Variants in FBXL22 observed in about 807,000 individuals in gnomAD.
The protein encoded by FBXL22 is F-box and leucine-rich protein 22.
FBXL22 carries 13 observed loss-of-function variants against 11.7 expected under a neutral mutation model. That is an observed-to-expected ratio of 1.11 (90% CI 0.73 to 1.77). FBXL22 has a LOEUF of 1.77. Ranked by LOEUF, FBXL22 falls within the 40% of genes most tolerant of loss-of-function variation. FBXL22 has a pLI of 0.00. For synonymous variants in FBXL22, 160 were observed against 144.1 expected (o/e 1.11, Z -0.79); for missense variants, 406 against 320.4 (o/e 1.27, Z -2.04).
In FBXL22 at chr15:63,597,651, A is replaced by G. The variant is rs771188216; in HGVS notation, c.259A>G (p.Ser87Gly). ...CWHSSRVQVC[S>G]IEDWLKSAFQ... ...GCACTCCAGCCGCGTGCAGGTGTGC[A>G]GCATTGAGGACTGGCTCAAGAGTGC... The change falls in exon 1 of 2, where the codon AGC (serine) becomes GGC (glycine). Residue 87 changes from serine (S) to glycine (G), a missense_variant. Physicochemically the swap from Ser to Gly is moderately conservative, Grantham distance 56. Transcript: ENST00000638704. This position sits in a 1 kb window ranked among gnomAD's most constrained non-coding sequence, Gnocchi z 4.3. 1.2e-6 allele frequency: 2 copies of G among 1,613,004 alleles called. No homozygotes were observed. The highest frequency in any genetic ancestry group is 1.7e-6 in the Non-Finnish European group (2 of 1,179,866).
At chr15:63,600,386 C>G in intron 1 of FBXL22, 1 of 1,147,500 alleles carries the variant, frequency 8.7e-7, no homozygotes. Flanking sequence ...CTCCTGGAAC[C>G]GGCATTCCCT....
downstream of FBXL22, among the ~76,000 whole-genome samples, chr15:63,602,715 A>G (rs2067389882): frequency 6.6e-6 from 1 of 152,146 alleles, no homozygotes; most frequent in Non-Finnish European, 1.5e-5. Flanking sequence ...TGACCAATGT[A>G]AGCCTCACTG....
downstream of FBXL22, among the ~76,000 whole-genome samples, chr15:63,606,061 G>T: frequency 6.6e-6 from 1 of 152,188 alleles, no homozygotes; most frequent in East Asian, 1.9e-4. Flanking sequence ...GAGCCACCCC[G>T]GCTCTACCAC....
At chr15:63,604,089 C>T (rs578218157), downstream of FBXL22, among the ~76,000 whole-genome samples, 1 of 152,292 alleles carries the variant, frequency 6.6e-6, no homozygotes, top group East Asian at 1.9e-4. Context: ...TTAGCCTGGA[C>T]AACAACAGGA....
At chr15:63,599,529 T>TG in intron 1 of FBXL22, 1 of 1,109,950 alleles carries the variant, frequency 9.0e-7, no homozygotes, top group East Asian at 5.8e-5. Context: ...TGTACAAAAC[T>TG]GGGGGTGCAG....
the FBXL22 span, among the ~76,000 whole-genome samples, chr15:63,607,808 A>G: frequency 1.3e-5 from 2 of 152,164 alleles, no homozygotes; most frequent in Non-Finnish European, 2.9e-5. Flanking sequence ...GAGGGAGACA[A>G]GCTGTCCACA....
rs143466490 is a variant in FBXL22, at chr15:63,597,403, T to A, written c.11T>A (p.Leu4Gln). The change falls in exon 1 of 2, where the codon CTG becomes CAG. Residue 4 changes from leucine (L) to glutamine (Q), a missense_variant. By Grantham distance (113) the Leu-to-Gln change is moderately radical. Coordinates refer to ENST00000638704, the MANE Select transcript of FBXL22 (RefSeq NM_001367807.1). The surrounding 1 kb of genome is among the most constrained non-coding windows in gnomAD (Gnocchi z 4.3). MWP[L>Q]LTMHITQLNR... Reference sequence around the variant, plus strand: ...TGCAGCTGCACTCACATGTGGCCACTGCTCACCATGCACATAACCCAGCTC... The same window carrying A: ...TGCAGCTGCACTCACATGTGGCCACAGCTCACCATGCACATAACCCAGCTC... 7.1e-3 allele frequency: 11,491 copies of A among 1,608,598 alleles called. 68 individuals are homozygous for A. The highest frequency in any genetic ancestry group is 7.5e-3 in the Non-Finnish European group (8,846 of 1,176,548).
downstream of FBXL22, among the ~76,000 whole-genome samples, chr15:63,605,414 AG>A (rs1339873377): frequency 6.6e-6 from 1 of 152,196 alleles, no homozygotes; most frequent in African/African-American, 2.4e-5. Flanking sequence ...GGGCTAGAAA[AG>A]CTGAGTGCCT....
At chr15:63,605,053 G>A (rs562451845), downstream of FBXL22, among the ~76,000 whole-genome samples, 3 of 151,896 alleles carry the variant, frequency 2.0e-5, no homozygotes, top group South Asian at 2.1e-4. Flanking sequence ...GCAAGACTCC[G>A]TCTCAAAAAC....
chr15:63,600,571 G>T, intron 1 of FBXL22, 126 bp from the exon 2 acceptor site: 1 of 1,229,436 alleles, frequency 8.1e-7, no homozygotes, highest in Non-Finnish European at 1.0e-6. Flanking sequence ...CAGTGTCATC[G>T]CAGCCAAGTG....
chr15:63,600,877 C>G lies in FBXL22; in HGVS notation c.534C>G (p.His178Gln). ...AADGRALQTL[H>Q]VDFCRNVSAA... is the part of the protein sequence containing the mutation. ...ACGGGCGCGCGCTGCAGACATTGCA[C>G]GTGGACTTCTGCCGCAACGTGAGCG... Residue 178 changes from histidine to glutamine, a missense_variant, in exon 2 of 2, where the codon CAC (histidine) becomes CAG (glutamine). Physicochemically the swap from His to Gln is conservative, Grantham distance 24. Coordinates refer to ENST00000638704, the MANE Select transcript of FBXL22 (RefSeq NM_001367807.1). 1 of 1,227,162 alleles carries G rather than the reference C, an allele frequency of 8.1e-7. No individual in the cohort carries two copies. The highest frequency in any genetic ancestry group is 4.1e-5 in the South Asian group (1 of 24,292). The allele number at this position is 1,227,162 out of a possible 1,614,324, so 76.0% of individuals were successfully genotyped here. A position where few individuals can be genotyped will look rare whatever the true frequency, so the allele number is the denominator to read the frequency against.
chr15:63,606,852 C>A (rs1275615750), downstream of FBXL22, among the ~76,000 whole-genome samples: 1 of 152,172 alleles, frequency 6.6e-6, no homozygotes, highest in Non-Finnish European at 1.5e-5. Flanking sequence ...TGAGTGCCAG[C>A]CTTCTGGGGG....
downstream of FBXL22, among the ~76,000 whole-genome samples, chr15:63,602,653 C>T (rs1466666734): frequency 6.7e-6 from 1 of 148,404 alleles, no homozygotes; most frequent in Non-Finnish European, 1.5e-5. Flanking sequence ...GTAACAAGGG[C>T]TATTAGGGAT....
intron 1 of FBXL22, chr15:63,599,957 T>G: frequency 2.0e-6 from 2 of 985,464 alleles, no homozygotes; most frequent in Non-Finnish European, 2.4e-6. Context: ...ATAAACCAAG[T>G]CTAACTTGGC....
Position 63,600,818 on chromosome 15 carries a change from G to C in FBXL22, c.475G>C (p.Val159Leu). 8.1e-6 allele frequency: 10 copies of C among 1,230,832 alleles called. No individual in the cohort carries two copies. Among genetic ancestry groups the C allele is most frequent in the Non-Finnish European group, 1.0e-5 (10 of 987,342 alleles). The allele number at this position is 1,230,832 out of a possible 1,614,324, so 76.2% of individuals were successfully genotyped here. The part of the protein sequence containing the change: ...RALRLENCAR[V>L]TNRTLAAVAA... ...ACTGCGCCTGGAGAACTGCGCGCGC[G>C]TCACCAACCGCACGTTGGCTGCCGT... Residue 159 changes from valine (V) to leucine (L), a missense_variant, in exon 2 of 2, where the codon GTC becomes CTC. Coordinates refer to ENST00000638704, the MANE Select transcript of FBXL22 (RefSeq NM_001367807.1).
chr15:63,606,940 A>G (rs1207259093), downstream of FBXL22, among the ~76,000 whole-genome samples: 6 of 151,944 alleles, frequency 3.9e-5, no homozygotes, highest in Admixed American at 3.9e-4. Flanking sequence ...GAGACTGCAG[A>G]GGTATCCTTT....
In FBXL22 at chr15:63,597,852, G is replaced by A; in HGVS notation, c.353+107G>A. The A allele has an allele frequency of 8.8e-7, 1 of 1,136,700 alleles. No individual in the cohort carries two copies. Among genetic ancestry groups the A allele is most frequent in the Non-Finnish European group, 1.2e-6 (1 of 823,020 alleles). The allele number at this position is 1,136,700 out of a possible 1,614,324, so 70.4% of individuals were successfully genotyped here. On this transcript the variant is annotated intron_variant, in intron 1 of 1. Transcript: ENST00000638704. The surrounding 1 kb of genome is among the most constrained non-coding windows in gnomAD (Gnocchi z 4.3). ...AGACCAAGATGGCTCCACCTTCGGG[G>A]CGCCTCAAACTAGGCCCAAGGCAGA...
At position 63,600,713 on chromosome 15, in the gene FBXL22, T is replaced by C; in HGVS notation, c.370T>C (p.Ser124Pro). 1 of 1,231,482 alleles carries C rather than the reference T, an allele frequency of 8.1e-7. No individual in the cohort carries two copies. The highest frequency in any genetic ancestry group is 1.0e-6 in the Non-Finnish European group (1 of 987,784). The allele number at this position is 1,231,482 out of a possible 1,614,324, so 76.3% of individuals were successfully genotyped here. ...RVCDRCPNLA[S>P]VTLSGCGHVT... ...TCCTCACAGGTGCCCCAACCTGGCG[T>C]CCGTCACGCTCTCGGGCTGCGGCCA... Residue 124 changes from serine (S) to proline (P), a missense_variant, in exon 2 of 2, where the codon TCC (serine) becomes CCC (proline). Physicochemically the swap from Ser to Pro is moderately conservative, Grantham distance 74 (BLOSUM62 -1). Transcript: ENST00000638704.
At chr15:63,599,756 C>G in intron 1 of FBXL22, 1 of 986,202 alleles carries the variant, frequency 1.0e-6, no homozygotes, top group Non-Finnish European at 1.2e-6. Context: ...CCTCTGGCTG[C>G]GGGGAGCCAA....
Sources: allele counts gnomAD v4.1 joint callset (sites outside exome capture counted in the v4.1 genomes callset), GRCh38; gene constraint gnomAD v4.1.1; non-coding constraint Gnocchi (gnomAD v3.1); transcripts MANE v1.5; gene names NCBI Gene and HGNC (gene_info 2026-07-23, HGNC 2026-07-21).